The following TMPRSS11E variants were observed in gnomAD, a reference collection of about 807,000 sequenced individuals.
The protein encoded by TMPRSS11E is transmembrane serine protease 11E, also known as transmembrane protease serine 11E.
Under a neutral mutation model 48.1 loss-of-function variants are expected in TMPRSS11E, and 38 were observed. The observed-to-expected ratio is 0.79, with a 90% CI of 0.61 to 1.04. TMPRSS11E has a LOEUF of 1.04. Among genes scored for constraint, TMPRSS11E ranks in the 50% least tolerant of loss-of-function variants. TMPRSS11E has a pLI of 0.00. For synonymous variants in TMPRSS11E, 158 were observed against 171.9 expected, an observed-to-expected ratio of 0.92 and a Z score of 0.63; for missense variants, 530 against 510.8, an observed-to-expected ratio of 1.04 and a Z score of -0.36.
At position 68,495,672 on chromosome 4, in the gene TMPRSS11E, G is replaced by A. The variant is rs1442640429; in HGVS notation, c.1111-971G>A. 2.6e-5 allele frequency among the ~76,000 whole-genome samples: 4 copies of A among 152,202 alleles called. No individual in the cohort carries two copies. In the East Asian group the frequency reaches 5.8e-4, roughly 22 times the overall value. ...AAATTCACAAGGAAGTTAGCATAAC[G>A]TAGGGAAAAAAGCATGGGCTTCTGA... On this transcript the variant is annotated intron_variant, in intron 9 of 9. Transcript: ENST00000305363.
At chr4:68,486,762 G>A (rs1173860825) in intron 9 of TMPRSS11E, among the ~76,000 whole-genome samples, 2 of 152,098 alleles carry the variant, frequency 1.3e-5, no homozygotes, top group Non-Finnish European at 2.9e-5. Context: ...ATTTATCTAA[G>A]TCTTTTTTGT....
intron 1 of TMPRSS11E, among the ~76,000 whole-genome samples, chr4:68,458,388 CT>C (rs1430702224): frequency 6.6e-6 from 1 of 152,124 alleles, no homozygotes; most frequent in African/African-American, 2.4e-5. Flanking sequence ...ATTCACTTGA[CT>C]TGTCACTAAT....
chr4:68,458,450 T>A (rs1578132926), intron 1 of TMPRSS11E, among the ~76,000 whole-genome samples: 1 of 152,218 alleles, frequency 6.6e-6, no homozygotes, highest in East Asian at 1.9e-4. Flanking sequence ...AGAAATTTGA[T>A]ATTACTAAAG....
At chr4:68,477,318 C>T (rs772969152) in intron 7 of TMPRSS11E, 51 bp from the exon 8 acceptor site, 36 of 1,511,142 alleles carry the variant, frequency 2.4e-5, no homozygotes, top group Middle Eastern at 3.6e-4. Flanking sequence ...ATAAATTATT[C>T]GACTGGTAGC....
chr4:68,453,056 G>C (rs577006974), intron 1 of TMPRSS11E, among the ~76,000 whole-genome samples: 14 of 152,034 alleles, frequency 9.2e-5, no homozygotes, highest in African/African-American at 3.4e-4. Context: ...GAGTGGGATA[G>C]AGGCTAGAAG....
At position 68,478,998 on chromosome 4, in the gene TMPRSS11E, A is replaced by G. The variant is rs1334278817; in HGVS notation, c.1110+7A>G. ...AAAAACAGATGCATGCCAGGTAAAC[A>G]GTTTTGCCCATTAGTAGGTTGTGTA... On this transcript the variant is annotated splice_region_variant and intron_variant, in intron 9 of 9. Coordinates refer to ENST00000305363, the MANE Select transcript of TMPRSS11E (RefSeq NM_014058.4). 6.2e-7 allele frequency: 1 copy of G among 1,612,418 alleles called. No individual in the cohort carries two copies. Among genetic ancestry groups the G allele is most frequent in the African/African-American group, 1.3e-5 (1 of 74,902 alleles).
At chr4:68,480,840 C>T (rs1377417672) in intron 9 of TMPRSS11E, among the ~76,000 whole-genome samples, 1 of 152,054 alleles carries the variant, frequency 6.6e-6, no homozygotes, top group East Asian at 1.9e-4. Context: ...GTTACATCTG[C>T]AGGATTGTTA....
intron 8 of TMPRSS11E, among the ~76,000 whole-genome samples, chr4:68,478,111 G>A (rs142445406): frequency 9.1e-4 from 133 of 146,144 alleles, no homozygotes; most frequent in African/African-American, 3.1e-3. Flanking sequence ...AAATATTATT[G>A]TTCTAAACAT....
chr4:68,471,963 T>C (rs1729083499), intron 5 of TMPRSS11E, among the ~76,000 whole-genome samples: 1 of 151,994 alleles, frequency 6.6e-6, no homozygotes, highest in East Asian at 1.9e-4. Context: ...GTGTGGTATA[T>C]GGAAAGGTTC....
intron 9 of TMPRSS11E, among the ~76,000 whole-genome samples, chr4:68,482,331 G>C (rs1016365497): frequency 5.9e-5 from 9 of 152,032 alleles, no homozygotes; most frequent in African/African-American, 2.2e-4. Flanking sequence ...TTTGGGCAGG[G>C]ATAAATATCC....
chr4:68,488,684 G>T (rs1729631127), intron 9 of TMPRSS11E, among the ~76,000 whole-genome samples: 1 of 143,160 alleles, frequency 7.0e-6, no homozygotes, highest in Non-Finnish European at 1.5e-5. Context: ...GATTACAGGG[G>T]CCCGCCACCA....
At chr4:68,452,823 C>T (rs1438392643) in intron 1 of TMPRSS11E, among the ~76,000 whole-genome samples, 6 of 151,912 alleles carry the variant, frequency 3.9e-5, no homozygotes, top group African/African-American at 1.4e-4. Flanking sequence ...TTTGGGGATA[C>T]ATTATTTGAT....
intron 9 of TMPRSS11E, among the ~76,000 whole-genome samples, chr4:68,491,686 A>G (rs958696138): frequency 1.1e-4 from 16 of 152,194 alleles, no homozygotes; most frequent in Non-Finnish European, 1.8e-4. Context: ...AAATGCTTTC[A>G]TAATTTTCAT....
intron 9 of TMPRSS11E, among the ~76,000 whole-genome samples, chr4:68,495,463 TTA>T (rs1729839743): frequency 6.6e-6 from 1 of 152,146 alleles, no homozygotes; most frequent in African/African-American, 2.4e-5. Context: ...ATGGCATATC[TTA>T]TTTCTATAAG....
intron 9 of TMPRSS11E, among the ~76,000 whole-genome samples, chr4:68,486,427 A>C (rs773095725): frequency 1.3e-5 from 2 of 152,172 alleles, no homozygotes; most frequent in African/African-American, 4.8e-5. Context: ...CAGGCTGTTT[A>C]ATTTCCATGT....
rs1376079143 is a variant in TMPRSS11E at position 68,477,644 on chromosome 4, G to C, written c.967+16G>C. 1.2e-6 allele frequency: 2 copies of C among 1,607,596 alleles called. No homozygotes were observed. The highest frequency in any genetic ancestry group is 1.7e-6 in the Non-Finnish European group (2 of 1,176,838). ...AAAAATGATGGTGAGCATCGGAAGA[G>C]GAACTCAAGTAAAAGTTAAATTGGT... On this transcript the variant is annotated intron_variant, in intron 8 of 9. Coordinates refer to ENST00000305363, the MANE Select transcript of TMPRSS11E (RefSeq NM_014058.4).
At chr4:68,480,428 A>C (rs1729370990) in intron 9 of TMPRSS11E, among the ~76,000 whole-genome samples, 1 of 151,984 alleles carries the variant, frequency 6.6e-6, no homozygotes, top group Non-Finnish European at 1.5e-5. Flanking sequence ...CCGTCCAGTG[A>C]GTTTTGAATT....
At chr4:68,477,972 C>T (rs1729279409) in intron 8 of TMPRSS11E, among the ~76,000 whole-genome samples, 1 of 152,036 alleles carries the variant, frequency 6.6e-6, no homozygotes. Flanking sequence ...AATCATAAAG[C>T]CACCATTCTC....
intron 6 of TMPRSS11E, 37 bp downstream of exon 6, chr4:68,474,798 A>G: frequency 6.4e-7 from 1 of 1,552,134 alleles, no homozygotes; most frequent in Non-Finnish European, 8.8e-7. Context: ...GCATTACCTG[A>G]AGGTAAAAAG....
Sources: allele counts gnomAD v4.1 joint callset (sites outside exome capture counted in the v4.1 genomes callset), GRCh38; gene constraint gnomAD v4.1.1; transcripts MANE v1.5; gene names NCBI Gene and HGNC (gene_info 2026-07-23, HGNC 2026-07-21).